The following KAZN variants were observed in gnomAD, a reference collection of about 807,000 sequenced individuals.
The protein encoded by KAZN is kazrin.
Under a neutral mutation model 87.4 loss-of-function variants are expected in KAZN, and 40 were observed. The observed-to-expected ratio is 0.46, with a 90% CI of 0.36 to 0.60. The LOEUF (loss-of-function observed/expected upper bound fraction) is 0.60. Among genes scored for constraint, KAZN ranks in the 20% least tolerant of loss-of-function variants. The pLI, the probability that KAZN is intolerant of heterozygous loss-of-function variation, is 0.00. For synonymous variants in KAZN, 466 were observed against 458.3 expected (o/e 1.02, Z -0.22); for missense variants, 898 against 1,073.9 (o/e 0.84, Z 2.29).
chr1:14,766,163 C>A (rs1644878123), intron 1 of KAZN, among the ~76,000 whole-genome samples: 1 of 152,144 alleles, frequency 6.6e-6, no homozygotes, highest in Non-Finnish European at 1.5e-5. Context: ...GGAGCCAGTC[C>A]TGTGGGAGCT....
At chr1:14,080,903 GA>G (rs777191134) in intron 1 of KAZN, among the ~76,000 whole-genome samples, 40 of 152,260 alleles carry the variant, frequency 2.6e-4, no homozygotes, top group Admixed American at 5.2e-4. Flanking sequence ...TGAAGATACA[GA>G]AAGAACCTTC....
intron 2 of KAZN, among the ~76,000 whole-genome samples, chr1:14,419,951 G>C (rs1249839432): frequency 6.6e-6 from 1 of 152,180 alleles, no homozygotes; most frequent in Non-Finnish European, 1.5e-5. Context: ...CCACAAGGTG[G>C]AAGGGAACAT....
At chr1:14,031,604 GT>G (rs1641331311) in intron 1 of KAZN, among the ~76,000 whole-genome samples, 1 of 152,196 alleles carries the variant, frequency 6.6e-6, no homozygotes, top group East Asian at 1.9e-4. Flanking sequence ...CTTTTATTCA[GT>G]TCTGTTGCTG....
chr1:14,974,406 G>T (rs939417936), intron 2 of KAZN, among the ~76,000 whole-genome samples: 6 of 152,210 alleles, frequency 3.9e-5, no homozygotes, highest in African/African-American at 1.4e-4. Context: ...TTAGGGGATT[G>T]TAGGTACTAT....
At chr1:14,377,442 T>C (rs922411310) in intron 2 of KAZN, among the ~76,000 whole-genome samples, 8 of 152,178 alleles carry the variant, frequency 5.3e-5, no homozygotes, top group Non-Finnish European at 1.2e-4. Flanking sequence ...ATGGCAACAA[T>C]GACAGTAGAA....
intron 1 of KAZN, among the ~76,000 whole-genome samples, chr1:14,713,479 G>A (rs940261194): frequency 6.6e-6 from 1 of 152,096 alleles, no homozygotes; most frequent in Non-Finnish European, 1.5e-5. Context: ...CCCAGTGGGG[G>A]GTGATTTTGT....
intron 1 of KAZN, among the ~76,000 whole-genome samples, chr1:14,097,619 G>A (rs143393700): frequency 2.0e-4 from 31 of 152,322 alleles, no homozygotes; most frequent in African/African-American, 6.5e-4. Context: ...AGGGGTGTGT[G>A]TGTGTATGTG....
chr1:15,020,236 C>T (rs1260468748), intron 2 of KAZN, among the ~76,000 whole-genome samples: 1 of 152,194 alleles, frequency 6.6e-6, no homozygotes, highest in Non-Finnish European at 1.5e-5. Context: ...ATTGCATATA[C>T]AAAACCAGTG....
intron 1 of KAZN, among the ~76,000 whole-genome samples, chr1:14,130,882 T>C: frequency 1.0e-5 from 1 of 96,940 alleles, no homozygotes; most frequent in South Asian, 3.5e-4. Context: ...CAATGATTAA[T>C]CATTAATCAT....
intron 1 of KAZN, among the ~76,000 whole-genome samples, chr1:13,949,318 G>A (rs559693464): frequency 0.059 from 2,929 of 49,362 alleles, 38 homozygotes; most frequent in South Asian, 0.22. Context: ...TCTTGTACTT[G>A]GAGACAATTT....
chr1:14,556,644 T>C (rs1208684688), intron 2 of KAZN, among the ~76,000 whole-genome samples: 1 of 152,176 alleles, frequency 6.6e-6, no homozygotes, highest in African/African-American at 2.4e-5. Context: ...AATTGATAGT[T>C]GTTCACTGTC....
intron 1 of KAZN, among the ~76,000 whole-genome samples, chr1:14,035,644 A>ATT (rs111800884): frequency 0.046 from 6,723 of 145,066 alleles, 231 homozygotes; most frequent in Non-Finnish European, 0.069. Context: ...TAATTTTTGT[A>ATT]TTTTTTTTTT....
At chr1:14,443,765 C>G (rs377300073) in intron 2 of KAZN, among the ~76,000 whole-genome samples, 8 of 152,322 alleles carry the variant, frequency 5.3e-5, no homozygotes, top group African/African-American at 1.9e-4. Context: ...TATTTTGCTG[C>G]TTTCCTTAGA....
intron 2 of KAZN, among the ~76,000 whole-genome samples, chr1:14,437,643 A>G (rs1666474961): frequency 6.6e-6 from 1 of 151,878 alleles, no homozygotes; most frequent in Admixed American, 6.6e-5. Flanking sequence ...CCCTGCCTCC[A>G]CCTCTCAGAA....
intron 2 of KAZN, among the ~76,000 whole-genome samples, chr1:14,331,405 A>C (rs1656850637): frequency 6.6e-6 from 1 of 152,142 alleles, no homozygotes; most frequent in African/African-American, 2.4e-5. Flanking sequence ...GTCTCCAAAC[A>C]ATTGACAGTA....
chr1:14,922,791 CAAAAAAAAAAAA>C (rs35903866), intron 1 of KAZN, among the ~76,000 whole-genome samples: 1 of 75,572 alleles, frequency 1.3e-5, no homozygotes, highest in Non-Finnish European at 2.6e-5. Context: ...GACTCTGTCT[CAAAAAAAAAAAA>C]AAAAAAAAAA....
intron 4 of KAZN, among the ~76,000 whole-genome samples, chr1:15,054,910 C>T (rs1557762059): frequency 6.6e-6 from 1 of 152,240 alleles, no homozygotes; most frequent in Non-Finnish European, 1.5e-5. Flanking sequence ...ATGTTCTTGG[C>T]GTGGGCTCCT....
At chr1:15,102,397 T>C (rs997878422) in intron 11 of KAZN, among the ~76,000 whole-genome samples, 13 of 151,724 alleles carry the variant, frequency 8.6e-5, no homozygotes, top group African/African-American at 3.1e-4. Flanking sequence ...GAGGCAACAG[T>C]GTGGTGAAGG....
intron 2 of KAZN, among the ~76,000 whole-genome samples, chr1:14,234,597 T>G (rs924414929): frequency 1.3e-5 from 2 of 152,206 alleles, no homozygotes; most frequent in East Asian, 3.9e-4. Context: ...GTGAGAACAT[T>G]CCAAACTAAT....
Sources: allele counts gnomAD v4.1 joint callset (sites outside exome capture counted in the v4.1 genomes callset), GRCh38; gene constraint gnomAD v4.1.1; transcripts MANE v1.5; gene names NCBI Gene and HGNC (gene_info 2026-07-23, HGNC 2026-07-21).